FUT9: variants seen among roughly 807,000 people sequenced by gnomAD.
FUT9 encodes 4-galactosyl-N-acetylglucosaminide 3-alpha-L-fucosyltransferase 9.
FUT9 carries 15 observed loss-of-function variants against 29.7 expected under a neutral mutation model. The observed-to-expected ratio is 0.51, with a 90% CI of 0.34 to 0.78. The LOEUF (loss-of-function observed/expected upper bound fraction) is 0.78. Ranked by LOEUF, FUT9 falls within the 30% of genes least tolerant of loss-of-function variation. FUT9 has a pLI of 0.01. For synonymous variants in FUT9, 169 were observed against 153.7 expected, an observed-to-expected ratio of 1.10 and a Z score of -0.74; for missense variants, 319 against 425.4, an observed-to-expected ratio of 0.75 and a Z score of 2.20.
chr6:96,098,463 C>G (rs1771536973), intron 1 of FUT9, among the ~76,000 whole-genome samples: 1 of 152,144 alleles, frequency 6.6e-6, no homozygotes, highest in African/African-American at 2.4e-5. Flanking sequence ...CTATAGCTAG[C>G]TCCTTCTATC....
At chr6:96,062,821 A>G (rs9404177) in intron 1 of FUT9, among the ~76,000 whole-genome samples, 63,645 of 151,962 alleles carry the variant, frequency 0.42, 13,659 homozygotes, top group East Asian at 0.6. Flanking sequence ...ATTAAAACAA[A>G]GATCAACAAC....
At chr6:96,038,987 A>T (rs1239418692) in intron 1 of FUT9, among the ~76,000 whole-genome samples, 1 of 152,106 alleles carries the variant, frequency 6.6e-6, no homozygotes, top group Non-Finnish European at 1.5e-5. Context: ...GCCTGGAATA[A>T]TCAAGCCTCC....
At chr6:96,051,752 C>T (rs1051387298) in intron 1 of FUT9, among the ~76,000 whole-genome samples, 2 of 151,746 alleles carry the variant, frequency 1.3e-5, no homozygotes, top group Non-Finnish European at 2.9e-5. Flanking sequence ...TGATTAAATA[C>T]ATGATTTGCA....
chr6:96,020,819 T>C lies in FUT9; in HGVS notation c.-98+4607T>C, dbSNP rs556504584. Reference sequence around the variant, plus strand: ...AAAGCTGAGGCATTGATCTTAGGCATTGGTCTTCTTATAGCACATCAAGAT... The same window carrying C: ...AAAGCTGAGGCATTGATCTTAGGCACTGGTCTTCTTATAGCACATCAAGAT... On this transcript the variant is annotated intron_variant, in intron 1 of 2. Transcript: ENST00000302103. 5.9e-5 allele frequency: 9 copies of C among 152,298 alleles called. No individual in the cohort carries two copies. The East Asian group carries it at 1.7e-3, about 29-fold the overall frequency. 9.4% of individuals were successfully genotyped at this position (152,298 alleles called of 1,614,324 possible). A position where few individuals can be genotyped will look rare whatever the true frequency, so the allele number is the denominator to read the frequency against.
chr6:96,162,316 G>C (rs1582276946), intron 2 of FUT9, among the ~76,000 whole-genome samples: 1 of 152,052 alleles, frequency 6.6e-6, no homozygotes. Flanking sequence ...ATTTCAGTAG[G>C]TATGTCATGT....
At chr6:96,132,109 G>GT (rs1772256451) in intron 2 of FUT9, among the ~76,000 whole-genome samples, 1 of 151,778 alleles carries the variant, frequency 6.6e-6, no homozygotes, top group African/African-American at 2.4e-5. Flanking sequence ...ATGATACATT[G>GT]TTTTTTCTCA....
At chr6:96,062,957 C>G (rs1023509438) in intron 1 of FUT9, among the ~76,000 whole-genome samples, 1 of 152,114 alleles carries the variant, frequency 6.6e-6, no homozygotes, top group Non-Finnish European at 1.5e-5. Context: ...CACTTACTTT[C>G]TGAGGAAACA....
chr6:96,168,914 T>C (rs1019444321), intron 2 of FUT9, among the ~76,000 whole-genome samples: 6 of 152,124 alleles, frequency 3.9e-5, no homozygotes, highest in African/African-American at 1.4e-4. Context: ...TTGGCTCTCA[T>C]AGGAATAAAG....
chr6:96,135,235 G>A (rs1195574679), intron 2 of FUT9, among the ~76,000 whole-genome samples: 1 of 151,882 alleles, frequency 6.6e-6, no homozygotes, highest in Non-Finnish European at 1.5e-5. Context: ...GTTAGTATAT[G>A]TACAGTACAT....
intron 1 of FUT9, among the ~76,000 whole-genome samples, chr6:96,104,088 A>G (rs1280573112): frequency 6.6e-6 from 1 of 152,182 alleles, no homozygotes; most frequent in Non-Finnish European, 1.5e-5. Flanking sequence ...CTGCCTTTCT[A>G]AAGAAGTTTA....
rs370677450 is a variant in FUT9, at chr6:96,202,477, G to A, written c.-8-671G>A. 1.4e-4 allele frequency among the ~76,000 whole-genome samples: 21 copies of A among 152,064 alleles called. No homozygotes were observed. The East Asian group carries it at 3.1e-3, about 22-fold the overall frequency. On this transcript the variant is annotated intron_variant, in intron 2 of 2. Transcript: ENST00000302103. ...TAACAAATTATTAAAAGTAAACAAAGAAAACTGTAAGAAAAATATATAAAT... is the reference window on the plus strand; with the variant it reads ...TAACAAATTATTAAAAGTAAACAAAAAAAACTGTAAGAAAAATATATAAAT...
At chr6:96,145,785 G>C (rs1045446972) in intron 2 of FUT9, among the ~76,000 whole-genome samples, 3 of 152,194 alleles carry the variant, frequency 2.0e-5, no homozygotes, top group Admixed American at 6.5e-5. Context: ...CTAGGCAGGG[G>C]CTGGGGAGAA....
chr6:96,060,829 C>A (rs1770861221), intron 1 of FUT9, among the ~76,000 whole-genome samples: 1 of 152,192 alleles, frequency 6.6e-6, no homozygotes, highest in African/African-American at 2.4e-5. Context: ...TGAGCCATGG[C>A]ACCTGGCCAG....
chr6:96,203,080 C>T, intron 2 of FUT9, 68 bp from the exon 3 acceptor site: 1 of 1,134,720 alleles, frequency 8.8e-7, no homozygotes, highest in Non-Finnish European at 1.2e-6. Flanking sequence ...AAATATATCT[C>T]CAATATATTT....
At chr6:96,080,986 T>A (rs1290361498) in intron 1 of FUT9, among the ~76,000 whole-genome samples, 1 of 151,988 alleles carries the variant, frequency 6.6e-6, no homozygotes, top group Non-Finnish European at 1.5e-5. Flanking sequence ...TCATTCATTA[T>A]GCACATGCAA....
chr6:96,163,280 CT>C (rs36099595), intron 2 of FUT9, among the ~76,000 whole-genome samples: 21,490 of 142,946 alleles, frequency 0.15, 1,565 homozygotes, highest in Non-Finnish European at 0.18. Context: ...CTTCCAAGCT[CT>C]TTTTTTTTTT....
intron 2 of FUT9, among the ~76,000 whole-genome samples, chr6:96,172,193 C>T (rs1029354546): frequency 1.3e-5 from 2 of 152,116 alleles, no homozygotes; most frequent in East Asian, 1.9e-4. Flanking sequence ...GGGCTTCATT[C>T]TCAGGACCTA....
chr6:96,145,730 C>T (rs148227962), intron 2 of FUT9, among the ~76,000 whole-genome samples: 62 of 152,244 alleles, frequency 4.1e-4, no homozygotes, highest in African/African-American at 1.2e-3. Flanking sequence ...AGGCTGCGCA[C>T]GGCTTGTTGG....
chr6:96,198,635 T>G lies in FUT9; in HGVS notation c.-8-4513T>G, dbSNP rs1773672976. 3.3e-5 allele frequency among the ~76,000 whole-genome samples: 5 copies of G among 152,340 alleles called. No homozygotes were observed. In the South Asian group the frequency reaches 1.0e-3, roughly 32 times the overall value. On this transcript the variant is annotated intron_variant, in intron 2 of 2. Coordinates refer to ENST00000302103, the MANE Select transcript of FUT9 (RefSeq NM_006581.4). The stretch of plus-strand genomic sequence containing the variant: ...TACAGTCCTTTGGGTATATACCCAG[T>G]AATGCGATGGCTGGGTCAAATGGTA...
Sources: allele counts gnomAD v4.1 joint callset (sites outside exome capture counted in the v4.1 genomes callset), GRCh38; gene constraint gnomAD v4.1.1; transcripts MANE v1.5; gene names NCBI Gene and HGNC (gene_info 2026-07-23, HGNC 2026-07-21).